MYRIP: variants seen among roughly 807,000 people sequenced by gnomAD.
MYRIP encodes myosin VIIA and Rab interacting protein.
Under a neutral mutation model 98.0 loss-of-function variants are expected in MYRIP, and 49 were observed. The observed-to-expected ratio is 0.50, with a 90% CI of 0.40 to 0.63. The LOEUF (loss-of-function observed/expected upper bound fraction) is 0.63. Ranked by LOEUF, MYRIP falls within the 30% of genes least tolerant of loss-of-function variation. MYRIP has a pLI of 0.00. For missense variants in MYRIP, 1,004 were observed against 1,058.2 expected (o/e 0.95, Z 0.71); for synonymous variants, 404 against 409.5 (o/e 0.99, Z 0.16).
At chr3:40,234,675 C>T (rs1053911552) in intron 12 of MYRIP, among the ~76,000 whole-genome samples, 1 of 152,116 alleles carries the variant, frequency 6.6e-6, no homozygotes, top group African/African-American at 2.4e-5. Flanking sequence ...TACAACTGGT[C>T]TTCTCTGCTT....
intron 2 of MYRIP, among the ~76,000 whole-genome samples, chr3:39,925,515 T>G (rs186233831): frequency 6.2e-4 from 94 of 152,140 alleles, no homozygotes; most frequent in Admixed American, 2.3e-3. Context: ...CAGTGTCTAT[T>G]GTTCCCATCT....
intron 1 of MYRIP, among the ~76,000 whole-genome samples, chr3:39,814,980 T>C (rs577813618): frequency 2.0e-5 from 3 of 152,348 alleles, no homozygotes; most frequent in African/African-American, 7.2e-5. Context: ...AGGCACCTTA[T>C]AGGTTTTCAT....
intron 8 of MYRIP, among the ~76,000 whole-genome samples, chr3:40,178,523 T>C (rs1424076549): frequency 6.6e-6 from 1 of 152,196 alleles, no homozygotes; most frequent in South Asian, 2.1e-4. Context: ...TGCCTTACCC[T>C]TGGCCATCCA....
intron 3 of MYRIP, among the ~76,000 whole-genome samples, chr3:40,138,132 C>T (rs536985293): frequency 5.6e-4 from 86 of 152,346 alleles, no homozygotes; most frequent in African/African-American, 2.0e-3. Context: ...AACACTTCTG[C>T]CAAGAAATGA....
chr3:40,119,837 A>G (rs1949361978), intron 3 of MYRIP, among the ~76,000 whole-genome samples: 2 of 152,102 alleles, frequency 1.3e-5, no homozygotes, highest in Non-Finnish European at 2.9e-5. Context: ...TAATGGGTGC[A>G]GCACACCAGC....
At chr3:39,852,716 T>TCTCTC (rs961200368) in intron 1 of MYRIP, among the ~76,000 whole-genome samples, 1 of 151,958 alleles carries the variant, frequency 6.6e-6, no homozygotes, top group Non-Finnish European at 1.5e-5. Context: ...CACTATTTCT[T>TCTCTC]CTCTCCTCTC....
rs139958864 is a variant in MYRIP, at chr3:40,185,094, G to A, written c.1027+2721G>A. Among the ~76,000 whole-genome samples the A allele has an allele frequency of 1.8e-3, 276 of 152,278 alleles. 3 individuals are homozygous for A. Among genetic ancestry groups the A allele is most frequent in the African/African-American group, 6.3e-3 (262 of 41,558 alleles). On this transcript the variant is annotated intron_variant, in intron 9 of 16. Transcript: ENST00000302541. ...TTGGGCAGAAACATCAAATAGAAGC[G>A]TTCCGAAGGTGGAGGTCATCTTAGA...
chr3:39,897,054 A>C lies in MYRIP; in HGVS notation c.-30-3733A>C, dbSNP rs550996710. 2.0e-5 allele frequency among the ~76,000 whole-genome samples: 3 copies of C among 152,316 alleles called. No individual in the cohort carries two copies. In the East Asian group the frequency reaches 5.8e-4, roughly 29 times the overall value. On this transcript the variant is annotated intron_variant, in intron 1 of 16. Transcript: ENST00000302541. ...ACTCTGTTGCTTCTTATGATAATTA[A>C]ATTTGAAAAATAGCTAAATCAATTC...
intron 4 of MYRIP, among the ~76,000 whole-genome samples, chr3:40,159,052 T>G (rs1383809487): frequency 6.6e-6 from 1 of 152,154 alleles, no homozygotes; most frequent in East Asian, 1.9e-4. Flanking sequence ...GTTAGCTGGT[T>G]ATTTTGCTCG....
In MYRIP at chr3:40,212,223, TATACAC is replaced by T. The variant is rs1425612883; in HGVS notation, c.1905+2132_1905+2137del. 4.4e-4 allele frequency among the ~76,000 whole-genome samples: 34 copies of T among 77,582 alleles called. 5 individuals are homozygous for T. Among genetic ancestry groups the T allele is most frequent in the East Asian group, 3.5e-3 (12 of 3,414 alleles). The allele number at this position is 77,582 out of a possible 152,430, so 50.9% of individuals were successfully genotyped here. On this transcript the variant is annotated intron_variant, in intron 11 of 16. Coordinates refer to ENST00000302541, the MANE Select transcript of MYRIP (RefSeq NM_015460.4). ...ATATATACGTGTGTGTATATATATA[TATACAC>T]ACACACACACACACACATATATATA...
intron 8 of MYRIP, among the ~76,000 whole-genome samples, chr3:40,176,936 G>C (rs1392881696): frequency 6.8e-6 from 1 of 147,062 alleles, no homozygotes; most frequent in Non-Finnish European, 1.5e-5. Flanking sequence ...GAAAAGAAAA[G>C]AAAATTAGCT....
At chr3:40,250,147 T>C (rs927913960) in intron 13 of MYRIP, 75 bp from the exon 14 acceptor site, 2 of 1,250,012 alleles carry the variant, frequency 1.6e-6, no homozygotes, top group African/African-American at 3.0e-5. Flanking sequence ...TCTTTATAAA[T>C]TCTTAACACT....
chr3:40,004,189 C>T (rs1002632070), intron 2 of MYRIP, among the ~76,000 whole-genome samples: 1 of 152,094 alleles, frequency 6.6e-6, no homozygotes, highest in African/African-American at 2.4e-5. Context: ...CATTTTTTAC[C>T]TTTTACCTGA....
At chr3:39,973,873 C>T (rs1329348363) in intron 2 of MYRIP, among the ~76,000 whole-genome samples, 4 of 152,054 alleles carry the variant, frequency 2.6e-5, no homozygotes, top group Non-Finnish European at 4.4e-5. Flanking sequence ...ACGCAACGTA[C>T]CAGAATCTCT....
intron 3 of MYRIP, among the ~76,000 whole-genome samples, chr3:40,147,340 T>TACC (rs1559420575): frequency 5.3e-5 from 8 of 152,180 alleles, no homozygotes; most frequent in African/African-American, 1.7e-4. Flanking sequence ...AATTAGCATC[T>TACC]CTGAACTACC....
chr3:39,816,571 A>G (rs952634800), intron 1 of MYRIP, among the ~76,000 whole-genome samples: 1 of 152,222 alleles, frequency 6.6e-6, no homozygotes, highest in Non-Finnish European at 1.5e-5. Context: ...AGTTATTATC[A>G]TAATTATACA....
At chr3:40,167,302 G>A in intron 7 of MYRIP, 63 bp downstream of exon 7, 11 of 1,455,916 alleles carry the variant, frequency 7.6e-6, no homozygotes, top group Non-Finnish European at 9.6e-6. Context: ...CAGGGACTCT[G>A]GCAAGTAGCA....
At chr3:39,919,407 A>G (rs1944247206) in intron 2 of MYRIP, among the ~76,000 whole-genome samples, 1 of 152,126 alleles carries the variant, frequency 6.6e-6, no homozygotes, top group East Asian at 1.9e-4. Context: ...CAGTATCTCT[A>G]AGTGCTGAGA....
chr3:40,076,625 A>G (rs754153490), intron 3 of MYRIP, among the ~76,000 whole-genome samples: 1 of 152,212 alleles, frequency 6.6e-6, no homozygotes, highest in Non-Finnish European at 1.5e-5. Context: ...CTTCTGTACA[A>G]AGGGCCTGGC....
Sources: allele counts gnomAD v4.1 joint callset (sites outside exome capture counted in the v4.1 genomes callset), GRCh38; gene constraint gnomAD v4.1.1; transcripts MANE v1.5; gene names NCBI Gene and HGNC (gene_info 2026-07-23, HGNC 2026-07-21).